The following CDH23 variants were observed in gnomAD, a reference collection of about 807,000 sequenced individuals.
The protein encoded by CDH23 is cadherin related 23.
In CDH23, 189 loss-of-function variants were observed where a neutral mutation model predicts 317.1. That is an observed-to-expected ratio of 0.60 (90% CI 0.53 to 0.67). The LOEUF (loss-of-function observed/expected upper bound fraction) is 0.67. Among genes scored for constraint, CDH23 ranks in the 30% least tolerant of loss-of-function variants. The pLI, the probability that CDH23 is intolerant of heterozygous loss-of-function variation, is 0.00. For missense variants in CDH23, 4,401 were observed against 4,592.4 expected, an observed-to-expected ratio of 0.96 and a Z score of 1.20; for synonymous variants, 1,839 against 1,876.8, an observed-to-expected ratio of 0.98 and a Z score of 0.52.
At chr10:71,658,270 G>A (rs1863500653) in intron 14 of CDH23, among the ~76,000 whole-genome samples, 1 of 152,168 alleles carries the variant, frequency 6.6e-6, no homozygotes, top group African/African-American at 2.4e-5. Flanking sequence ...GAAGAGAGAG[G>A]GAGGGAGGAG....
intron 3 of CDH23, among the ~76,000 whole-genome samples, chr10:71,484,858 T>A (rs534711497): frequency 1.3e-5 from 2 of 152,190 alleles, no homozygotes; most frequent in South Asian, 4.2e-4. Flanking sequence ...TATGCATTGA[T>A]GTCTGTAAAA....
At chr10:71,715,879 C>T in intron 28 of CDH23, 2 of 1,415,156 alleles carry the variant, frequency 1.4e-6, no homozygotes, top group South Asian at 3.1e-5. Flanking sequence ...GTCTCTGAAG[C>T]AGGAGGATCT....
At chr10:71,648,663 C>T (rs545735930) in intron 14 of CDH23, among the ~76,000 whole-genome samples, 60 of 152,300 alleles carry the variant, frequency 3.9e-4, no homozygotes, top group African/African-American at 1.4e-3. Flanking sequence ...TTGGGGCTGG[C>T]GCTGGGGAGC....
chr10:71,555,997 ACGTCTG>A (rs979814886), intron 6 of CDH23, among the ~76,000 whole-genome samples: 7 of 152,276 alleles, frequency 4.6e-5, no homozygotes, highest in African/African-American at 1.7e-4. Flanking sequence ...GTGATGTCTG[ACGTCTG>A]CTCTCTAGGG....
At position 71,472,660 on chromosome 10, in the gene CDH23, G is replaced by A. The variant is rs115612767; in HGVS notation, c.145+26265G>A. On this transcript the variant is annotated intron_variant, in intron 3 of 69. Coordinates refer to ENST00000224721, the MANE Select transcript of CDH23 (RefSeq NM_022124.6). ...TGAAGGTCCTGCCAGATACTCCACAGCGAAGCGAGGCCTGAGCCCTTGTGC... is the reference window on the plus strand; with the variant it reads ...TGAAGGTCCTGCCAGATACTCCACAACGAAGCGAGGCCTGAGCCCTTGTGC... Among the ~76,000 whole-genome samples, 629 of 152,336 alleles carry A rather than the reference G, an allele frequency of 4.1e-3. 5 individuals carry two copies. Among genetic ancestry groups the A allele is most frequent in the African/African-American group, 0.013 (540 of 41,580 alleles).
rs181408381 is a variant in CDH23 at position 71,461,692 on chromosome 10, G to A, written c.145+15297G>A. On this transcript the variant is annotated intron_variant, in intron 3 of 69. Transcript: ENST00000224721. ...GGGCTGAGAGTGGCTTGCAAGCCCT[G>A]TGCCGTGTTCCCACACATTAGGTCC... Among the ~76,000 whole-genome samples the A allele has an allele frequency of 1.6e-4, 24 of 152,278 alleles. No homozygotes were observed. The East Asian group carries it at 3.7e-3, about 23-fold the overall frequency.
At chr10:71,770,778 CAGA>C in intron 38 of CDH23, among the ~76,000 whole-genome samples, 1 of 152,324 alleles carries the variant, frequency 6.6e-6, no homozygotes, top group South Asian at 2.1e-4. Flanking sequence ...CCAGGAAGGT[CAGA>C]CCCCAGCGGA....
At position 71,732,140 on chromosome 10, in the gene CDH23, C is replaced by T. The variant is rs377222292; in HGVS notation, c.3869C>T (p.Pro1290Leu). ...AATGTGTCGGCCACTGACCAGGCCC[C>T]GCCCTTCAACCAGGGCTTCTGCAGC... is the stretch of plus-strand genomic sequence containing the variant. ...MMNVSATDQA[P>L]PFNQGFCSVY... is the part of the protein sequence containing the mutation. The change falls in exon 32 of 70, where the codon CCG (proline) becomes CTG (leucine). Residue 1290 changes from proline to leucine, a missense_variant. Pro to Leu is a moderately conservative substitution (Grantham distance 98). Transcript: ENST00000224721. 47 of 1,613,908 alleles carry T rather than the reference C, an allele frequency of 2.9e-5. No individual in the cohort carries two copies. The African/African-American group carries it at 5.2e-4, about 18-fold the overall frequency.
At chr10:71,430,339 A>G (rs1849312394) in intron 1 of CDH23, among the ~76,000 whole-genome samples, 1 of 152,018 alleles carries the variant, frequency 6.6e-6, no homozygotes, top group African/African-American at 2.4e-5. Flanking sequence ...ATGTGGGGAA[A>G]CCGCTTTTTC....
At chr10:71,779,770 C>T (rs1840907062) in intron 41 of CDH23, among the ~76,000 whole-genome samples, 1 of 152,238 alleles carries the variant, frequency 6.6e-6, no homozygotes, top group South Asian at 2.1e-4. Flanking sequence ...GAAGCACATC[C>T]TTACAGTGCG....
chr10:71,601,956 G>A (rs1188888941), intron 9 of CDH23, among the ~76,000 whole-genome samples: 1 of 111,554 alleles, frequency 9.0e-6, no homozygotes, highest in Non-Finnish European at 2.0e-5. Flanking sequence ...CTGGGTGGGC[G>A]GCGGAGGGGG....
intron 6 of CDH23, among the ~76,000 whole-genome samples, chr10:71,526,069 C>T (rs1264770529): frequency 6.6e-6 from 1 of 152,230 alleles, no homozygotes; most frequent in Non-Finnish European, 1.5e-5. Context: ...CAGATAGCCA[C>T]CAGCAAAAGC....
chr10:71,766,937 C>T (rs1056420080), intron 38 of CDH23, among the ~76,000 whole-genome samples: 10 of 152,246 alleles, frequency 6.6e-5, no homozygotes, highest in African/African-American at 2.2e-4. Context: ...CTCCGTGCAA[C>T]ATTCCTGCTC....
intron 6 of CDH23, among the ~76,000 whole-genome samples, chr10:71,550,580 A>AAAAAG (rs1856534036): frequency 2.3e-5 from 1 of 43,922 alleles, no homozygotes; most frequent in African/African-American, 1.0e-4. Flanking sequence ...AAAAAAAAGA[A>AAAAAG]AAAAGAAAAA....
chr10:71,703,259 G>T (rs890249397), intron 24 of CDH23, among the ~76,000 whole-genome samples: 20 of 152,196 alleles, frequency 1.3e-4, no homozygotes, highest in Admixed American at 3.9e-4. Context: ...GACATCCAGG[G>T]TTTCAAGTCC....
At chr10:71,510,908 T>G in intron 4 of CDH23, 46 bp from the exon 5 acceptor site, 3 of 1,608,346 alleles carry the variant, frequency 1.9e-6, no homozygotes, top group Non-Finnish European at 2.6e-6. Flanking sequence ...ACCCAGGACC[T>G]CAGCACCGCC....
chr10:71,759,761 C>T (rs1231987363), intron 38 of CDH23, among the ~76,000 whole-genome samples: 1 of 150,490 alleles, frequency 6.6e-6, no homozygotes. Flanking sequence ...GCAGTGAGCC[C>T]AGATCGCGCC....
intron 6 of CDH23, among the ~76,000 whole-genome samples, chr10:71,554,160 T>G (rs1856753235): frequency 6.6e-6 from 1 of 152,232 alleles, no homozygotes; most frequent in Non-Finnish European, 1.5e-5. Context: ...CCTCACTGTA[T>G]CTCCATGAGG....
At chr10:71,437,108 C>T (rs1010026680) in intron 1 of CDH23, among the ~76,000 whole-genome samples, 1 of 152,182 alleles carries the variant, frequency 6.6e-6, no homozygotes. Context: ...CGATTGGCAG[C>T]CATTTAAAAG....
Sources: gnomAD v4.1 joint callset for allele counts (sites outside exome capture counted in the v4.1 genomes callset) on GRCh38, gnomAD v4.1.1 for gene constraint, MANE v1.5 for transcripts, NCBI Gene and HGNC (gene_info 2026-07-23, HGNC 2026-07-21) for gene names.